RASGRF2: variants seen among roughly 807,000 people sequenced by gnomAD.
RASGRF2 encodes Ras protein specific guanine nucleotide releasing factor 2, also known as ras-specific guanine nucleotide-releasing factor 2.
RASGRF2 carries 76 observed loss-of-function variants against 151.0 expected under a neutral mutation model. The ratio of observed to expected loss-of-function variants is 0.50; its 90% CI spans 0.42 to 0.61. The LOEUF is 0.61. Among genes scored for constraint, RASGRF2 ranks in the 20% least tolerant of loss-of-function variants. The probability of loss-of-function intolerance (pLI) is 0.00; values close to 1 mark genes in which losing one functional copy is unlikely to be tolerated. For missense variants in RASGRF2, 1,148 were observed against 1,564.6 expected (o/e 0.73, Z 4.49); for synonymous variants, 504 against 566.5 (o/e 0.89, Z 1.57).
Position 80,969,743 on chromosome 5 carries a change from G to A in RASGRF2, c.288+8717G>A, listed in dbSNP as rs898484810. On this transcript the variant is annotated intron_variant, in intron 1 of 26. Transcript: ENST00000265080. ...TGGGATTACAGGCGTGAGCCACTGC[G>A]CCTGGCTAAGCACTCTTATTTAGAA... Among the ~76,000 whole-genome samples, 10 of 150,102 alleles carry A rather than the reference G, an allele frequency of 6.7e-5. No individual in the cohort carries two copies. The South Asian group carries it at 8.4e-4, about 13-fold the overall frequency.
chr5:81,129,689 C>T (rs1580344017), intron 17 of RASGRF2, among the ~76,000 whole-genome samples: 1 of 152,154 alleles, frequency 6.6e-6, no homozygotes, highest in Non-Finnish European at 1.5e-5. Flanking sequence ...TAACAGTCAA[C>T]ATTTTGGGGG....
At position 80,961,045 on chromosome 5, in the gene RASGRF2, C is replaced by T; in HGVS notation, c.288+19C>T. 7.0e-7 allele frequency: 1 copy of T among 1,435,670 alleles called. No individual in the cohort carries two copies. Among genetic ancestry groups the T allele is most frequent in the South Asian group, 1.5e-5 (1 of 68,476 alleles). 88.9% of individuals were successfully genotyped at this position (1,435,670 alleles called of 1,614,324 possible). ...CAAGCAGGTACCGCGCGCCTTCTCT[C>T]CGCGGTCTCCCAGCCTTGATCGCCG... On this transcript the variant is annotated intron_variant, in intron 1 of 26. Coordinates refer to ENST00000265080, the MANE Select transcript of RASGRF2 (RefSeq NM_006909.3).
chr5:80,991,682 C>T (rs993647470), intron 1 of RASGRF2, among the ~76,000 whole-genome samples: 5 of 152,186 alleles, frequency 3.3e-5, no homozygotes, highest in Non-Finnish European at 4.4e-5. Flanking sequence ...AAAAAACCTT[C>T]TGAACTATTG....
chr5:81,112,653 A>G lies in RASGRF2; in HGVS notation c.1882A>G (p.Ser628Gly), dbSNP rs1753029394. The G allele has an allele frequency of 1.2e-6, 2 of 1,614,222 alleles. No individual in the cohort carries two copies. The highest frequency in any genetic ancestry group is 1.7e-6 in the Non-Finnish European group (2 of 1,180,038). Residue 628 changes from serine to glycine, a missense_variant, in exon 14 of 27, where the codon AGT becomes GGT. Coordinates refer to ENST00000265080, the MANE Select transcript of RASGRF2 (RefSeq NM_006909.3). ...LHKDDTDICF[S>G]KTLNSCKVPQ... ...TAAAGACGACACTGACATTTGCTTC[A>G]GTAAAACACTCAACTCCTGCAAAGT...
chr5:81,158,560 C>G (rs1754313231), intron 17 of RASGRF2, among the ~76,000 whole-genome samples: 1 of 151,842 alleles, frequency 6.6e-6, no homozygotes, highest in Non-Finnish European at 1.5e-5. Flanking sequence ...AATCATACAT[C>G]TGATAAGGAA....
intron 1 of RASGRF2, among the ~76,000 whole-genome samples, chr5:81,042,321 G>A (rs527867199): frequency 6.6e-6 from 1 of 152,274 alleles, no homozygotes; most frequent in South Asian, 2.1e-4. Flanking sequence ...GGAATACTGT[G>A]TTGAACAGAA....
At position 80,996,471 on chromosome 5, in the gene RASGRF2, TTTCTTC is replaced by T. The variant is rs530555928; in HGVS notation, c.288+35473_288+35478del. Among the ~76,000 whole-genome samples, 267 of 38,332 alleles carry T rather than the reference TTTCTTC, an allele frequency of 7.0e-3. 3 individuals carry two copies. The highest frequency in any genetic ancestry group is 0.03 in the Admixed American group (102 of 3,446). The allele number at this position is 38,332 out of a possible 152,430, so 25.1% of individuals were successfully genotyped here. ...CAGGATACTTGGAAAATGTGTAAAG[TTTCTTC>T]TTCTTCTTCTTCTTCTTCTTCTTCT... On this transcript the variant is annotated intron_variant, in intron 1 of 26. Coordinates refer to ENST00000265080, the MANE Select transcript of RASGRF2 (RefSeq NM_006909.3).
intron 23 of RASGRF2, among the ~76,000 whole-genome samples, chr5:81,214,336 G>A (rs1755688336): frequency 6.6e-6 from 1 of 152,218 alleles, no homozygotes; most frequent in Admixed American, 6.5e-5. Context: ...CAGAGAGGCT[G>A]TCTCTAGAGC....
At chr5:81,066,827 C>T (rs547590666) in intron 2 of RASGRF2, among the ~76,000 whole-genome samples, 1 of 152,292 alleles carries the variant, frequency 6.6e-6, no homozygotes, top group Non-Finnish European at 1.5e-5. Flanking sequence ...CCAGTTATCT[C>T]TTTTTAGGCT....
At chr5:81,035,022 G>A (rs1457173143) in intron 1 of RASGRF2, among the ~76,000 whole-genome samples, 1 of 152,140 alleles carries the variant, frequency 6.6e-6, no homozygotes, top group Admixed American at 6.6e-5. Context: ...TTACACTGTT[G>A]GTGGGACTGT....
chr5:81,169,352 C>T (rs1754591064), intron 17 of RASGRF2, among the ~76,000 whole-genome samples: 1 of 152,202 alleles, frequency 6.6e-6, no homozygotes, highest in African/African-American at 2.4e-5. Flanking sequence ...TATTTTCTCA[C>T]TGTTCTGGAG....
In RASGRF2 at chr5:81,028,398, T is replaced by C. The variant is rs547648346; in HGVS notation, c.289-14479T>C. The stretch of plus-strand genomic sequence containing the variant: ...ATTTCCTAATTGTTTGTATTTCTGA[T>C]GTCTTTCTGGTAATCTGGTGTTTTA... On this transcript the variant is annotated intron_variant, in intron 1 of 26. Coordinates refer to ENST00000265080, the MANE Select transcript of RASGRF2 (RefSeq NM_006909.3). Among the ~76,000 whole-genome samples the C allele has an allele frequency of 9.9e-4, 151 of 152,104 alleles. 1 individual carries two copies. The highest frequency in any genetic ancestry group is 3.5e-3 in the African/African-American group (146 of 41,510).
intron 17 of RASGRF2, among the ~76,000 whole-genome samples, chr5:81,131,872 G>A (rs116503403): frequency 0.053 from 8,075 of 152,126 alleles, 338 homozygotes; most frequent in African/African-American, 0.11. Context: ...ATTTTTAATG[G>A]ATTTTTATGT....
chr5:81,201,498 A>G, intron 19 of RASGRF2, 56 bp downstream of exon 19: 4 of 1,542,062 alleles, frequency 2.6e-6, no homozygotes, highest in African/African-American at 1.4e-5. Context: ...TGCTATGTTC[A>G]TAGAAAATAA....
At chr5:80,961,199 G>A (rs967975800) in intron 1 of RASGRF2, among the ~76,000 whole-genome samples, 173 bp downstream of exon 1, 2 of 152,206 alleles carry the variant, frequency 1.3e-5, no homozygotes, top group Non-Finnish European at 2.9e-5. Flanking sequence ...TCTTCATCCA[G>A]GGATTCTCCC....
At chr5:81,087,487 G>C in intron 9 of RASGRF2, 2 of 612,526 alleles carry the variant, frequency 3.3e-6, no homozygotes, top group Non-Finnish European at 5.9e-6. Flanking sequence ...CACTTGCCAC[G>C]CTTTGGTAAT....
At chr5:81,051,156 A>G (rs1288053634) in intron 2 of RASGRF2, among the ~76,000 whole-genome samples, 1 of 152,176 alleles carries the variant, frequency 6.6e-6, no homozygotes, top group African/African-American at 2.4e-5. Context: ...TTTGTATGAC[A>G]AAAATATATT....
intron 1 of RASGRF2, among the ~76,000 whole-genome samples, chr5:80,977,795 C>A (rs1298145088): frequency 1.3e-5 from 2 of 152,162 alleles, no homozygotes; most frequent in African/African-American, 4.8e-5. Context: ...TACATTTTTT[C>A]ATTTAAGTGA....
At chr5:81,059,231 A>G (rs1751334781) in intron 2 of RASGRF2, among the ~76,000 whole-genome samples, 1 of 151,732 alleles carries the variant, frequency 6.6e-6, no homozygotes, top group African/African-American at 2.4e-5. Context: ...AAAAATACAA[A>G]AAATTAGCCG....
Sources: allele counts gnomAD v4.1 joint callset (sites outside exome capture counted in the v4.1 genomes callset), GRCh38; gene constraint gnomAD v4.1.1; transcripts MANE v1.5; gene names NCBI Gene and HGNC (gene_info 2026-07-23, HGNC 2026-07-21).